The following SMARCAD1 variants were observed in gnomAD, a reference collection of about 807,000 sequenced individuals.
The protein encoded by SMARCAD1 is SNF2 related chromatin remodeling ATPase with DExD box 1, also known as SWI/SNF-related matrix-associated actin-dependent regulator of chromatin subfamily A containing DEAD/H box 1.
In SMARCAD1, 25 loss-of-function variants were observed where a neutral mutation model predicts 127.1. That is an observed-to-expected ratio of 0.20 (90% confidence interval 0.14 to 0.27). The LOEUF (loss-of-function observed/expected upper bound fraction) is 0.27, where lower values mean the gene tolerates loss of function less well. Among genes scored for constraint, SMARCAD1 ranks in the 10% least tolerant of loss-of-function variants. The pLI is 1.00. For synonymous variants in SMARCAD1, 400 were observed against 396.9 expected, an observed-to-expected ratio of 1.01 and a Z score of -0.09; for missense variants, 807 against 1,206.0, an observed-to-expected ratio of 0.67 and a Z score of 4.90.
chr4:94,288,971 A>G (rs1314183595), intron 23 of SMARCAD1, among the ~76,000 whole-genome samples: 2 of 152,152 alleles, frequency 1.3e-5, no homozygotes, highest in Non-Finnish European at 2.9e-5. Context: ...CAGGTAATTT[A>G]AAGTGGCTAA....
chr4:94,275,926 T>C (rs534717756), intron 14 of SMARCAD1, among the ~76,000 whole-genome samples: 1 of 151,230 alleles, frequency 6.6e-6, no homozygotes, highest in South Asian at 2.1e-4. Flanking sequence ...GCCTCCTGAA[T>C]AGCTGGGACT....
intron 2 of SMARCAD1, 86 bp from the exon 3 acceptor site, chr4:94,226,033 T>A: frequency 8.8e-7 from 1 of 1,131,490 alleles, no homozygotes. Context: ...TGAATGAAAT[T>A]TGAGATTTTA....
rs62320425 is a variant in SMARCAD1 at position 94,226,386 on chromosome 4, C to G, written c.368+90C>G. 4.0e-5 allele frequency: 40 copies of G among 1,003,218 alleles called. No homozygotes were observed. The East Asian group carries it at 1.0e-3, about 26-fold the overall frequency. 62.1% of individuals were successfully genotyped at this position (1,003,218 alleles called of 1,614,324 possible). On this transcript the variant is annotated intron_variant, in intron 3 of 23. Coordinates refer to ENST00000354268, the MANE Select transcript of SMARCAD1 (RefSeq NM_020159.5). ...CTAATTTGAGATATTTTGGTGACTT[C>G]CCTTTTTTTTTTTTTCTTTTTTTTT...
chr4:94,279,387 G>A (rs747728204), intron 19 of SMARCAD1, among the ~76,000 whole-genome samples: 3 of 152,154 alleles, frequency 2.0e-5, no homozygotes, highest in Admixed American at 6.5e-5. Context: ...CGATTCGCCC[G>A]CCTTGGCCTC....
intron 5 of SMARCAD1, among the ~76,000 whole-genome samples, chr4:94,237,413 AAATG>A (rs1330296881): frequency 1.3e-5 from 2 of 152,012 alleles, no homozygotes; most frequent in Non-Finnish European, 2.9e-5. Context: ...ATACAAAAAT[AAATG>A]CATTTGAATG....
chr4:94,221,872 A>T (rs1012024160), intron 2 of SMARCAD1, among the ~76,000 whole-genome samples: 52 of 152,332 alleles, frequency 3.4e-4, no homozygotes, highest in African/African-American at 1.2e-3. Context: ...CCAAAGCAAG[A>T]TGCTTTTTTA....
Position 94,278,636 on chromosome 4 carries a change from C to G in SMARCAD1, c.2199C>G (p.Pro733=). The G allele has an allele frequency of 6.2e-7, 1 of 1,613,886 alleles. No individual in the cohort carries two copies. Among genetic ancestry groups the G allele is most frequent in the Admixed American group, 1.7e-5 (1 of 60,000 alleles). The change falls in exon 18 of 24, where the codon CCC becomes CCG. Residue 733 remains proline, a synonymous_variant. Coordinates refer to ENST00000354268, the MANE Select transcript of SMARCAD1 (RefSeq NM_020159.5). Reference sequence around the variant, plus strand: ...CTCAGGTTCTCAAGCAGTTACCCCCCAAGAAAGATCGAATTGAGTTGTGTG... The same window carrying G: ...CTCAGGTTCTCAAGCAGTTACCCCCGAAGAAAGATCGAATTGAGTTGTGTG... ...VKEEVLKQLP[P]KKDRIELCAM...
At chr4:94,233,652 A>C (rs1018337547) in intron 3 of SMARCAD1, among the ~76,000 whole-genome samples, 1 of 152,194 alleles carries the variant, frequency 6.6e-6, no homozygotes, top group African/African-American at 2.4e-5. Context: ...GTAAAGAGGA[A>C]GTGGGCATGC....
intron 2 of SMARCAD1, chr4:94,212,910 GATTTGAGGGCATA>G: frequency 2.3e-6 from 1 of 437,630 alleles, no homozygotes; most frequent in Non-Finnish European, 4.3e-6. Flanking sequence ...CCAGCCTTTG[GATTTGAGGGCATA>G]CACTTAACCT....
chr4:94,224,745 T>C (rs983082518), intron 2 of SMARCAD1, among the ~76,000 whole-genome samples: 144 of 152,292 alleles, frequency 9.5e-4, no homozygotes, highest in African/African-American at 3.1e-3. Context: ...TGGACTTGGA[T>C]TTCAGATCTA....
rs759029618 is a variant in SMARCAD1, at chr4:94,290,677, T to A, written c.*1143T>A. 6.7e-6 allele frequency: 3 copies of A among 446,098 alleles called. No homozygotes were observed. In the East Asian group the frequency reaches 2.1e-4, roughly 31 times the overall value. The allele number at this position is 446,098 out of a possible 1,614,324, so 27.6% of individuals were successfully genotyped here. A position where few individuals can be genotyped will look rare whatever the true frequency, so the allele number is the denominator to read the frequency against. ...GTTGTCTATTTGATATTTAACTCTT[T>A]ATTAAATCTTTCTTTAAATTTCTGC... On this transcript the variant is annotated 3_prime_UTR_variant, in exon 24 of 24. Transcript: ENST00000354268.
At chr4:94,229,660 ACTT>A (rs1370577811) in intron 3 of SMARCAD1, among the ~76,000 whole-genome samples, 3 of 152,070 alleles carry the variant, frequency 2.0e-5, no homozygotes, top group African/African-American at 4.8e-5. Context: ...AAATATAGAA[ACTT>A]CTTCTGTGTT....
At chr4:94,226,389 T>C (rs1263232952) in intron 3 of SMARCAD1, 93 bp downstream of exon 3, 10 of 636,056 alleles carry the variant, frequency 1.6e-5, no homozygotes, top group Non-Finnish European at 1.6e-5. Context: ...GTGACTTCCC[T>C]TTTTTTTTTT....
In SMARCAD1 at chr4:94,209,758, T is replaced by C. The variant is rs117014910; in HGVS notation, c.190+1174T>C. 4.7e-4 allele frequency among the ~76,000 whole-genome samples: 71 copies of C among 152,356 alleles called. No individual in the cohort carries two copies. In the East Asian group the frequency reaches 0.013, roughly 29 times the overall value. ...TAAGTAGTTTTGAATTTAAATGCTATAGGGAACAACTGAAGGATTTTAAGC... is the reference window on the plus strand; with the variant it reads ...TAAGTAGTTTTGAATTTAAATGCTACAGGGAACAACTGAAGGATTTTAAGC... On this transcript the variant is annotated intron_variant, in intron 2 of 23. Transcript: ENST00000354268.
At position 94,276,995 on chromosome 4, in the gene SMARCAD1, T is replaced by TA. The variant is rs372543319; in HGVS notation, c.1945-25dup. 49 of 1,613,658 alleles carry TA rather than the reference T, an allele frequency of 3.0e-5. No homozygotes were observed. In the African/African-American group the frequency reaches 6.1e-4, roughly 20 times the overall value. Reference sequence around the variant, plus strand: ...AAGGAGTGGCTCTTTAAGAAAAAGCTAATATAAATTTTACCTTCATTCACA... The same window carrying TA: ...AAGGAGTGGCTCTTTAAGAAAAAGCTAAATATAAATTTTACCTTCATTCACA... On this transcript the variant is annotated intron_variant, in intron 15 of 23. Transcript: ENST00000354268.
chr4:94,243,201 A>G (rs1000676282), intron 6 of SMARCAD1, among the ~76,000 whole-genome samples: 1 of 152,178 alleles, frequency 6.6e-6, no homozygotes, highest in African/African-American at 2.4e-5. Flanking sequence ...GGCCTCTCCA[A>G]GTGCTGGGAT....
rs909732328 is a variant in SMARCAD1 at position 94,253,800 on chromosome 4, A to T, written c.1281+793A>T. On this transcript the variant is annotated intron_variant, in intron 9 of 23. Transcript: ENST00000354268. ...AATCTTATTCATACAGATAAATATA[A>T]GAACTCTTAAATTTTGCTTCAACCC... The T allele has an allele frequency of 1.2e-5, 8 of 675,384 alleles. No homozygotes were observed. The African/African-American group carries it at 1.6e-4, about 13-fold the overall frequency. The allele number at this position is 675,384 out of a possible 1,614,324, so 41.8% of individuals were successfully genotyped here.
At chr4:94,211,621 T>C (rs1742277449) in intron 2 of SMARCAD1, among the ~76,000 whole-genome samples, 1 of 152,206 alleles carries the variant, frequency 6.6e-6, no homozygotes, top group Non-Finnish European at 1.5e-5. Context: ...AATCACTCTT[T>C]TTGACTAATC....
chr4:94,284,326 CAAAAAAAAAAA>C (rs1161926658), intron 22 of SMARCAD1, among the ~76,000 whole-genome samples: 21 of 25,918 alleles, frequency 8.1e-4, no homozygotes, highest in Admixed American at 3.1e-3. Flanking sequence ...GACTCCGTCT[CAAAAAAAAAAA>C]AAAAAAAAAA....
Sources: gnomAD v4.1 joint callset for allele counts (sites outside exome capture counted in the v4.1 genomes callset) on GRCh38, gnomAD v4.1.1 for gene constraint, MANE v1.5 for transcripts, NCBI Gene and HGNC (gene_info 2026-07-23, HGNC 2026-07-21) for gene names.